GPR161: variants seen among roughly 807,000 people sequenced by gnomAD.
GPR161 encodes the protein G-protein coupled receptor RE2.
Under a neutral mutation model 39.2 loss-of-function variants are expected in GPR161, and 25 were observed. The ratio of observed to expected loss-of-function variants is 0.64; its 90% CI spans 0.47 to 0.89. GPR161 has a LOEUF of 0.89. Among genes scored for constraint, GPR161 ranks in the 40% least tolerant of loss-of-function variants. GPR161 has a pLI of 0.00. For missense variants in GPR161, 547 were observed against 677.8 expected (o/e 0.81, Z 2.14); for synonymous variants, 286 against 276.6 (o/e 1.03, Z -0.34).
At chr1:168,099,427 G>A (rs2102150808) in intron 2 of GPR161, among the ~76,000 whole-genome samples, 2 of 152,270 alleles carry the variant, frequency 1.3e-5, no homozygotes, top group Middle Eastern at 6.8e-3. Flanking sequence ...TGTACGGCCG[G>A]TTGTGGGAGC....
At position 168,096,663 on chromosome 1, in the gene GPR161, G is replaced by A; in HGVS notation, c.944C>T (p.Ala315Val). Residue 315 changes from alanine (A) to valine (V), a missense_variant, in exon 3 of 6, where the codon GCC becomes GTC. By Grantham distance (64) the Ala-to-Val change is moderately conservative (BLOSUM62 0). Coordinates refer to ENST00000682931, the MANE Select transcript of GPR161 (RefSeq NM_001375883.1). ...GATCAGGGGGTGGCAGACAGCGCTG[G>A]CAAAGGACAGCCATGTGGCCCAAGT... ...LETWATWLSFASAVCHPLIYG... is the reference protein window; with the variant it reads ...LETWATWLSFVSAVCHPLIYG... The A allele has an allele frequency of 6.2e-7, 1 of 1,614,160 alleles. No homozygotes were observed. The highest frequency in any genetic ancestry group is 8.5e-7 in the Non-Finnish European group (1 of 1,180,014).
intron 2 of GPR161, among the ~76,000 whole-genome samples, chr1:168,097,685 C>A (rs181106695): frequency 3.3e-5 from 5 of 152,236 alleles, no homozygotes; most frequent in Admixed American, 6.5e-5. Context: ...CAAAGGCTTG[C>A]GATGTGCCAA....
chr1:168,090,903 G>A (rs769409571), intron 3 of GPR161, among the ~76,000 whole-genome samples: 1 of 152,210 alleles, frequency 6.6e-6, no homozygotes, highest in African/African-American at 2.4e-5. Flanking sequence ...TCCTGACAAT[G>A]TCAACCACCA....
intron 1 of GPR161, 108 bp from the exon 2 acceptor site, chr1:168,105,002 A>C (rs1696475039): frequency 2.6e-6 from 2 of 778,514 alleles, no homozygotes; most frequent in Admixed American, 2.7e-5. Context: ...GCCTCAGATC[A>C]CCCAGCTAGT....
rs1427474724 is a variant in GPR161, at chr1:168,081,426, AC to A, written c.*4104del. On this transcript the variant is annotated 3_prime_UTR_variant, in exon 6 of 6. Coordinates refer to ENST00000682931, the MANE Select transcript of GPR161 (RefSeq NM_001375883.1). ...AGAGATCCCTATAAAAAGGAATAAT[AC>A]ACCCTCCCCACAGAGATACTGTGAA... 1.3e-5 allele frequency: 2 copies of A among 152,224 alleles called. No individual in the cohort carries two copies. Among genetic ancestry groups the A allele is most frequent in the Admixed American group, 1.3e-4 (2 of 15,288 alleles). 9.4% of individuals were successfully genotyped at this position (152,224 alleles called of 1,614,324 possible).
At chr1:168,136,972 C>T, upstream of GPR161, 1 of 908,526 alleles carries the variant, frequency 1.1e-6, no homozygotes, top group Non-Finnish European at 1.3e-6. Context: ...CCCCCACGCC[C>T]GGCCGGGCCC....
At chr1:168,097,550 G>T (rs984626038) in intron 2 of GPR161, among the ~76,000 whole-genome samples, 1 of 152,286 alleles carries the variant, frequency 6.6e-6, no homozygotes, top group South Asian at 2.1e-4. Context: ...ATTATGCATT[G>T]GGCCAGATCA....
rs369760052 is a variant in GPR161 at position 168,122,017 on chromosome 1, C to T, written c.-45+14722G>A. Among the ~76,000 whole-genome samples the T allele has an allele frequency of 2.0e-4, 30 of 152,318 alleles. 2 individuals carry two copies. In the East Asian group the frequency reaches 5.0e-3, roughly 26 times the overall value. On this transcript the variant is annotated intron_variant, in intron 1 of 5. Transcript: ENST00000682931. ...TTCAATAGGCAACTGTGCCAGGAGCCCATGCTCAGATGGAGAGAAGCCAGT... is the reference window on the plus strand; with the variant it reads ...TTCAATAGGCAACTGTGCCAGGAGCTCATGCTCAGATGGAGAGAAGCCAGT...
chr1:168,129,161 G>A (rs115085129), intron 1 of GPR161, among the ~76,000 whole-genome samples: 1 of 152,172 alleles, frequency 6.6e-6, no homozygotes, highest in Non-Finnish European at 1.5e-5. Flanking sequence ...TGGGTGTCTG[G>A]GTCAGGGGTG....
rs139431807 is a variant in GPR161, at chr1:168,087,550, A to G, written c.1324+35T>C. On this transcript the variant is annotated intron_variant, in intron 5 of 5. Transcript: ENST00000682931. ...GTCCTAAGATCCTTTCCGTTTCCCT[A>G]TGTTTTCTTGAAGCAATCAGTCACA... is the stretch of plus-strand genomic sequence containing the variant. 5,575 of 1,612,230 alleles carry G rather than the reference A, an allele frequency of 3.5e-3. 23 individuals carry two copies. Among genetic ancestry groups the G allele is most frequent in the Middle Eastern group, 0.012 (70 of 6,060 alleles).
At chr1:168,133,605 GCAT>G (rs1457448317) in intron 1 of GPR161, among the ~76,000 whole-genome samples, 1 of 152,156 alleles carries the variant, frequency 6.6e-6, no homozygotes, top group East Asian at 1.9e-4. Context: ...AAACCACAGA[GCAT>G]TATTATATGA....
In GPR161 at chr1:168,096,576, T is replaced by C. The variant is rs1695563295; in HGVS notation, c.1031A>G (p.Tyr344Cys). 1 of 1,614,068 alleles carries C rather than the reference T, an allele frequency of 6.2e-7. No homozygotes were observed. The highest frequency in any genetic ancestry group is 1.3e-5 in the African/African-American group (1 of 74,942). The change falls in exon 3 of 6, where the codon TAT becomes TGT. Residue 344 changes from tyrosine to cysteine, a missense_variant. Coordinates refer to ENST00000682931, the MANE Select transcript of GPR161 (RefSeq NM_001375883.1). ...ELLGMCFGDR[Y>C]YREPFVQRQR... Reference sequence around the variant, plus strand: ...TCGTTGCACAAATGGTTCCCGATAATACCGGTCCCCAAAGCACATGCCCAG... The same window carrying C: ...TCGTTGCACAAATGGTTCCCGATAACACCGGTCCCCAAAGCACATGCCCAG...
intron 2 of GPR161, among the ~76,000 whole-genome samples, chr1:168,101,542 C>T (rs545095751): frequency 5.3e-5 from 8 of 152,290 alleles, no homozygotes; most frequent in African/African-American, 1.4e-4. Flanking sequence ...TGTACAATGA[C>T]AAAGCGTCCA....
At chr1:168,126,927 T>C (rs1161553246) in intron 1 of GPR161, among the ~76,000 whole-genome samples, 2 of 152,172 alleles carry the variant, frequency 1.3e-5, no homozygotes, top group East Asian at 1.9e-4. Context: ...AGAAAGAACA[T>C]GGGCCTTGGA....
intron 1 of GPR161, among the ~76,000 whole-genome samples, chr1:168,119,689 C>T (rs767201587): frequency 8.5e-5 from 13 of 152,048 alleles, no homozygotes; most frequent in Non-Finnish European, 1.5e-4. Flanking sequence ...AATCTTATCT[C>T]GAATTGTAAT....
intron 1 of GPR161, among the ~76,000 whole-genome samples, chr1:168,129,054 G>A (rs898383516): frequency 6.6e-5 from 10 of 152,144 alleles, no homozygotes; most frequent in African/African-American, 2.4e-4. Flanking sequence ...TTGGAGGTGG[G>A]GATACAGACA....
rs776484360 is a variant in GPR161 at position 168,083,609 on chromosome 1, C to G, written c.*1922G>C. ...ATATATAGAAAACGTGAACCACACG[C>G]AGACGTAGGAATGCCATCCAGTGAT... On this transcript the variant is annotated 3_prime_UTR_variant, in exon 6 of 6. Coordinates refer to ENST00000682931, the MANE Select transcript of GPR161 (RefSeq NM_001375883.1). The G allele has an allele frequency of 6.6e-6, 1 of 152,246 alleles. No homozygotes were observed. The highest frequency in any genetic ancestry group is 1.5e-5 in the Non-Finnish European group (1 of 68,066). The allele number at this position is 152,246 out of a possible 1,614,324, so 9.4% of individuals were successfully genotyped here.
chr1:168,086,166 C>A (rs1694474895), intron 5 of GPR161, among the ~76,000 whole-genome samples: 1 of 152,196 alleles, frequency 6.6e-6, no homozygotes, highest in South Asian at 2.1e-4. Context: ...ATTTTTACAT[C>A]TTTGAAAGAG....
At chr1:168,109,914 C>T (rs899240418) in intron 1 of GPR161, among the ~76,000 whole-genome samples, 35 of 152,024 alleles carry the variant, frequency 2.3e-4, no homozygotes, top group Non-Finnish European at 3.2e-4. Flanking sequence ...TGCAATGAGC[C>T]GAGATCGCAC....
Sources: allele counts gnomAD v4.1 joint callset (sites outside exome capture counted in the v4.1 genomes callset), GRCh38; gene constraint gnomAD v4.1.1; transcripts MANE v1.5; gene names NCBI Gene and HGNC (gene_info 2026-07-23, HGNC 2026-07-21).